The following GRM8 variants were observed in gnomAD, a reference collection of about 807,000 sequenced individuals.
GRM8 encodes the protein glutamate metabotropic receptor 8, also known as metabotropic glutamate receptor 8.
In GRM8, 47 loss-of-function variants were observed where a neutral mutation model predicts 87.2. The ratio of observed to expected loss-of-function variants is 0.54; its 90% CI spans 0.43 to 0.69. GRM8 has a LOEUF of 0.69. GRM8 is among the 30% of genes least tolerant of loss of function. GRM8 has a pLI of 0.00. For missense variants in GRM8, 1,019 were observed against 1,139.2 expected, an observed-to-expected ratio of 0.89 and a Z score of 1.52; for synonymous variants, 396 against 404.5, an observed-to-expected ratio of 0.98 and a Z score of 0.25.
chr7:126,873,822 A>C (rs1307990801), intron 6 of GRM8, among the ~76,000 whole-genome samples: 1 of 152,104 alleles, frequency 6.6e-6, no homozygotes, highest in Admixed American at 6.6e-5. Context: ...CTCAAAAAGT[A>C]ATTGGCCTCA....
chr7:126,747,238 T>C (rs1274913946), intron 7 of GRM8, among the ~76,000 whole-genome samples: 1 of 152,028 alleles, frequency 6.6e-6, no homozygotes, highest in African/African-American at 2.4e-5. Flanking sequence ...GTCTGTAGTT[T>C]GCTATTACTG....
At chr7:127,035,242 A>G (rs1413996661) in intron 3 of GRM8, among the ~76,000 whole-genome samples, 1 of 152,308 alleles carries the variant, frequency 6.6e-6, no homozygotes, top group Admixed American at 6.5e-5. Context: ...GGAAAACACC[A>G]TAGAATCATT....
chr7:126,592,833 A>G (rs1165564295), intron 8 of GRM8, among the ~76,000 whole-genome samples: 1 of 151,902 alleles, frequency 6.6e-6, no homozygotes, highest in Non-Finnish European at 1.5e-5. Context: ...AAGCAAATGA[A>G]TCTAAATTAG....
chr7:126,547,908 C>CT (rs140054836), intron 8 of GRM8, among the ~76,000 whole-genome samples: 1 of 61,680 alleles, frequency 1.6e-5, no homozygotes, highest in African/African-American at 5.5e-5. Context: ...AAAAAAAAAA[C>CT]CTAGTTGATG....
chr7:127,056,600 T>C (rs540778331), intron 3 of GRM8, among the ~76,000 whole-genome samples: 1 of 152,286 alleles, frequency 6.6e-6, no homozygotes, highest in African/African-American at 2.4e-5. Flanking sequence ...GCAAGTAAAA[T>C]GTATACACAC....
chr7:126,674,541 C>T (rs1806730181), intron 7 of GRM8, among the ~76,000 whole-genome samples: 1 of 151,982 alleles, frequency 6.6e-6, no homozygotes. Flanking sequence ...AAGAAATATA[C>T]TGGAGAAATA....
At chr7:126,874,193 C>A (rs932026111) in intron 6 of GRM8, among the ~76,000 whole-genome samples, 5 of 152,090 alleles carry the variant, frequency 3.3e-5, no homozygotes, top group South Asian at 4.1e-4. Context: ...AACATTCCTG[C>A]AGCCTCTAAA....
intron 1 of GRM8, among the ~76,000 whole-genome samples, chr7:127,251,425 C>T (rs950913896): frequency 6.6e-6 from 1 of 152,168 alleles, no homozygotes; most frequent in African/African-American, 2.4e-5. Flanking sequence ...GGCGGATGGG[C>T]TTCGCGCTTG....
intron 2 of GRM8, among the ~76,000 whole-genome samples, chr7:127,136,310 C>T (rs1186346104): frequency 6.6e-6 from 1 of 152,080 alleles, no homozygotes; most frequent in African/African-American, 2.4e-5. Context: ...TAGTCTAACT[C>T]TTAATTCATT....
chr7:126,925,165 A>G (rs1804961742), intron 3 of GRM8, among the ~76,000 whole-genome samples: 1 of 152,208 alleles, frequency 6.6e-6, no homozygotes, highest in Non-Finnish European at 1.5e-5. Context: ...TTTCAGAGCT[A>G]TCACAAGGAT....
At chr7:126,713,942 T>C (rs114337013) in intron 7 of GRM8, among the ~76,000 whole-genome samples, 4,127 of 151,532 alleles carry the variant, frequency 0.027, 208 homozygotes, top group African/African-American at 0.095. Context: ...ATAGCCTCTT[T>C]CATGAAGCTC....
At chr7:126,665,403 T>C (rs1805649677) in intron 7 of GRM8, among the ~76,000 whole-genome samples, 1 of 152,174 alleles carries the variant, frequency 6.6e-6, no homozygotes, top group African/African-American at 2.4e-5. Context: ...GTATTCACCA[T>C]AGAATACTAT....
intron 9 of GRM8, among the ~76,000 whole-genome samples, chr7:126,496,869 C>A (rs1381432805): frequency 1.3e-5 from 2 of 151,730 alleles, no homozygotes; most frequent in Admixed American, 1.3e-4. Context: ...TCCTAATCTC[C>A]CCCCCACAGG....
intron 6 of GRM8, among the ~76,000 whole-genome samples, chr7:126,801,328 T>C (rs1822655426): frequency 6.6e-6 from 1 of 152,132 alleles, no homozygotes; most frequent in South Asian, 2.1e-4. Context: ...GTGACGTCTA[T>C]TAAAGCAACC....
chr7:126,689,218 A>AC (rs1808523381), intron 7 of GRM8, among the ~76,000 whole-genome samples: 1 of 152,120 alleles, frequency 6.6e-6, no homozygotes, highest in Non-Finnish European at 1.5e-5. Context: ...TCTCTTGCTG[A>AC]CACCAGCCTA....
chr7:126,646,338 G>C (rs1803089964), intron 7 of GRM8, among the ~76,000 whole-genome samples: 1 of 151,432 alleles, frequency 6.6e-6, no homozygotes, highest in African/African-American at 2.4e-5. Context: ...AAGGAAGGAA[G>C]TTCCTTTGAT....
rs557085958 is a variant in GRM8, at chr7:127,208,394, T to C, written c.510+34301A>G. On this transcript the variant is annotated intron_variant, in intron 2 of 10. Transcript: ENST00000339582. ...CTTCCTCCCTCAAAGTGTCTGTTAA[T>C]AGCCTCTGCAAGAGGCTACACTTCC... Among the ~76,000 whole-genome samples the C allele has an allele frequency of 2.3e-4, 35 of 152,272 alleles. No homozygotes were observed. In the South Asian group the frequency reaches 3.7e-3, roughly 16 times the overall value.
At chr7:126,531,040 T>C (rs1413526073) in intron 9 of GRM8, among the ~76,000 whole-genome samples, 3 of 152,174 alleles carry the variant, frequency 2.0e-5, no homozygotes, top group African/African-American at 7.2e-5. Flanking sequence ...TCATTTTATG[T>C]ATTGTCTTGA....
intron 1 of GRM8, among the ~76,000 whole-genome samples, chr7:127,246,278 T>C (rs1033107804): frequency 1.3e-5 from 2 of 152,270 alleles, no homozygotes; most frequent in Non-Finnish European, 2.9e-5. Context: ...AAGCTCATCC[T>C]AGTGGAGTCT....
Sources: gnomAD v4.1 joint callset for allele counts (sites outside exome capture counted in the v4.1 genomes callset) on GRCh38, gnomAD v4.1.1 for gene constraint, MANE v1.5 for transcripts, NCBI Gene and HGNC (gene_info 2026-07-23, HGNC 2026-07-21) for gene names.